AUTS2: variants seen among roughly 807,000 people sequenced by gnomAD.
AUTS2 encodes the protein activator of transcription and developmental regulator AUTS2.
Under a neutral mutation model 112.4 loss-of-function variants are expected in AUTS2, and 17 were observed. The ratio of observed to expected loss-of-function variants is 0.15; its 90% confidence interval spans 0.10 to 0.23. The LOEUF (loss-of-function observed/expected upper bound fraction) is 0.23. AUTS2 is among the 10% of genes least tolerant of loss of function. AUTS2 has a pLI of 1.00. For missense variants in AUTS2, 1,510 were observed against 1,701.6 expected (o/e 0.89, Z 1.98); for synonymous variants, 751 against 702.7 (o/e 1.07, Z -1.09).
At chr7:70,188,674 A>G (rs1048623913) in intron 4 of AUTS2, among the ~76,000 whole-genome samples, 7 of 151,984 alleles carry the variant, frequency 4.6e-5, no homozygotes, top group Admixed American at 3.9e-4. Flanking sequence ...TACGAGAGTC[A>G]CTCTTACCAT....
intron 10 of AUTS2, among the ~76,000 whole-genome samples, chr7:70,770,283 G>GAA: frequency 6.6e-6 from 1 of 152,164 alleles, no homozygotes; most frequent in Non-Finnish European, 1.5e-5. Context: ...CAATTAGTCT[G>GAA]AAAAACTTTG....
chr7:70,235,388 T>C (rs540844551), intron 4 of AUTS2, among the ~76,000 whole-genome samples: 2 of 152,154 alleles, frequency 1.3e-5, no homozygotes. Context: ...TCCTCCAGCC[T>C]TGTCCTTCCA....
chr7:70,649,500 TTTTATTTATTTATTTATTTA>T (rs80256360), intron 5 of AUTS2, among the ~76,000 whole-genome samples: 1 of 143,814 alleles, frequency 7.0e-6, no homozygotes, highest in Non-Finnish European at 1.5e-5. Flanking sequence ...TGGTGATTTA[TTTTATTTATTTATTTATTTA>T]TTTATTTATT....
At chr7:70,659,670 GA>G (rs1030868912) in intron 5 of AUTS2, among the ~76,000 whole-genome samples, 1 of 152,040 alleles carries the variant, frequency 6.6e-6, no homozygotes, top group Non-Finnish European at 1.5e-5. Flanking sequence ...TTATGGCTGG[GA>G]AAAAAAGAGA....
rs553930338 is a variant in AUTS2 at position 70,086,248 on chromosome 7, C to G, written c.523-31884C>G. ...TTCATATTGTATTGAATCTATAGAC[C>G]AATTTCAAAAAATTGATATCTTAGC... On this transcript the variant is annotated intron_variant, in intron 2 of 18. Transcript: ENST00000342771. 2.0e-5 allele frequency among the ~76,000 whole-genome samples: 3 copies of G among 152,206 alleles called. No homozygotes were observed. In the East Asian group the frequency reaches 5.8e-4, roughly 29 times the overall value.
At chr7:69,897,510 C>T (rs1794798966) in intron 1 of AUTS2, among the ~76,000 whole-genome samples, 1 of 151,448 alleles carries the variant, frequency 6.6e-6, no homozygotes, top group Non-Finnish European at 1.5e-5. Context: ...AGGGTTCCAC[C>T]CTCATGATCC....
chr7:69,835,846 A>C (rs775285546), intron 1 of AUTS2, among the ~76,000 whole-genome samples: 10 of 152,226 alleles, frequency 6.6e-5, no homozygotes, highest in Non-Finnish European at 1.0e-4. Context: ...CCAGAGGTGA[A>C]GAAGATGTTT....
intron 4 of AUTS2, among the ~76,000 whole-genome samples, chr7:70,413,529 G>T (rs750982493): frequency 4.9e-4 from 75 of 152,310 alleles, no homozygotes; most frequent in Middle Eastern, 6.8e-3. Flanking sequence ...TGGGTGTATT[G>T]TAGTTAATAT....
intron 4 of AUTS2, among the ~76,000 whole-genome samples, chr7:70,271,261 C>T (rs778493977): frequency 1.3e-5 from 2 of 152,296 alleles, no homozygotes; most frequent in African/African-American, 2.4e-5. Context: ...AAATCTCACA[C>T]TCTTTTCTTC....
At chr7:70,357,718 G>A (rs562430665) in intron 4 of AUTS2, among the ~76,000 whole-genome samples, 1 of 152,270 alleles carries the variant, frequency 6.6e-6, no homozygotes, top group South Asian at 2.1e-4. Context: ...CTTGACGTAG[G>A]TAGCTTTGTT....
chr7:70,687,020 G>A (rs1004715239), intron 5 of AUTS2, among the ~76,000 whole-genome samples: 2 of 152,034 alleles, frequency 1.3e-5, no homozygotes, highest in Non-Finnish European at 2.9e-5. Context: ...CAGACATTTT[G>A]TATACATTTT....
chr7:69,749,765 G>C lies in AUTS2; in HGVS notation c.310-149521G>C, dbSNP rs1007015208. Among the ~76,000 whole-genome samples the C allele has an allele frequency of 1.4e-4, 21 of 152,148 alleles. 1 individual carries two copies. The highest frequency in any genetic ancestry group is 1.3e-3 in the Admixed American group (20 of 15,272). On this transcript the variant is annotated intron_variant, in intron 1 of 18. Coordinates refer to ENST00000342771, the MANE Select transcript of AUTS2 (RefSeq NM_015570.4). ...CTCTGCTGCCATGTTGACAAATGTT[G>C]CTTCTAGTGAAATACACAAAAATAA...
intron 4 of AUTS2, among the ~76,000 whole-genome samples, chr7:70,175,557 C>T (rs1438398236): frequency 6.6e-6 from 1 of 152,138 alleles, no homozygotes; most frequent in Non-Finnish European, 1.5e-5. Flanking sequence ...GTTGATGGAG[C>T]AAACTTCATT....
intron 4 of AUTS2, among the ~76,000 whole-genome samples, chr7:70,378,127 C>G (rs971207047): frequency 6.6e-6 from 1 of 152,136 alleles, no homozygotes; most frequent in African/African-American, 2.4e-5. Flanking sequence ...TCAGAATTGC[C>G]TTCCTTTTTA....
chr7:69,792,405 A>G (rs1477448303), intron 1 of AUTS2, among the ~76,000 whole-genome samples: 3 of 151,392 alleles, frequency 2.0e-5, no homozygotes, highest in East Asian at 3.9e-4. Context: ...ACGCCCAACT[A>G]ATTTTTTGTA....
chr7:70,115,394 C>G (rs1047851272), intron 2 of AUTS2, among the ~76,000 whole-genome samples: 1 of 152,172 alleles, frequency 6.6e-6, no homozygotes, highest in Non-Finnish European at 1.5e-5. Flanking sequence ...GGGCTGGTCT[C>G]GAACTCCTGG....
chr7:69,744,693 C>T (rs144666729), intron 1 of AUTS2, among the ~76,000 whole-genome samples: 4 of 151,744 alleles, frequency 2.6e-5, no homozygotes, highest in Non-Finnish European at 5.9e-5. Context: ...AAAAATTAGC[C>T]GATGTGGTGG....
intron 1 of AUTS2, among the ~76,000 whole-genome samples, chr7:69,664,588 C>T (rs1795947356): frequency 6.6e-6 from 1 of 152,122 alleles, no homozygotes; most frequent in Non-Finnish European, 1.5e-5. Context: ...TCTGCTTGTT[C>T]AAGCAAAGCA....
At chr7:69,707,370 A>G (rs1798109946) in intron 1 of AUTS2, among the ~76,000 whole-genome samples, 1 of 152,232 alleles carries the variant, frequency 6.6e-6, no homozygotes, top group Non-Finnish European at 1.5e-5. Flanking sequence ...CACTAGTTAT[A>G]TAGCAAGTAC....
Sources: allele counts gnomAD v4.1 joint callset (sites outside exome capture counted in the v4.1 genomes callset), GRCh38; gene constraint gnomAD v4.1.1; transcripts MANE v1.5; gene names NCBI Gene and HGNC (gene_info 2026-07-23, HGNC 2026-07-21).